The following NIPAL3 variants were observed in gnomAD, a reference collection of about 807,000 sequenced individuals.
NIPAL3 encodes the protein NIPA-like protein 3.
In NIPAL3, 41 loss-of-function variants were observed where a neutral mutation model predicts 47.2. That is an observed-to-expected ratio of 0.87 (90% CI 0.68 to 1.13). The LOEUF is 1.13. Ranked by LOEUF, NIPAL3 falls within the 50% of genes most tolerant of loss-of-function variation. The probability of loss-of-function intolerance (pLI) is 0.00; values close to 1 mark genes in which losing one functional copy is unlikely to be tolerated. For missense variants in NIPAL3, 449 were observed against 530.1 expected (o/e 0.85, Z 1.50); for synonymous variants, 194 against 209.6 (o/e 0.93, Z 0.64).
intron 4 of NIPAL3, among the ~76,000 whole-genome samples, chr1:24,443,508 G>T (rs889032975): frequency 5.2e-4 from 79 of 152,308 alleles, no homozygotes; most frequent in African/African-American, 1.9e-3. Context: ...GGCAGACATC[G>T]TTAATCAATC....
rs759025710 is a variant in NIPAL3 at position 24,469,113 on chromosome 1, G to A, written c.1149G>A (p.Met383Ile). Reference sequence around the variant, plus strand: ...ACGCTCCTGCCACCCTGCCAGTCATGCAAGAAGAGCACGGCTCCAGAAGTG... The same window carrying A: ...ACGCTCCTGCCACCCTGCCAGTCATACAAGAAGAGCACGGCTCCAGAAGTG... ...EIYAPATLPVMQEEHGSRSAS... is the reference protein window; with the variant it reads ...EIYAPATLPVIQEEHGSRSAS... The change falls in exon 12 of 12, where the codon ATG becomes ATA. Residue 383 changes from methionine (M) to isoleucine (I), a missense_variant. Physicochemically the swap from Met to Ile is conservative, Grantham distance 10 (BLOSUM62 1). Transcript: ENST00000374399. 1 of 1,614,126 alleles carries A rather than the reference G, an allele frequency of 6.2e-7. No homozygotes were observed.
intron 10 of NIPAL3, among the ~76,000 whole-genome samples, chr1:24,461,542 C>CAA (rs59058886): frequency 2.1e-3 from 203 of 98,786 alleles, no homozygotes; most frequent in African/African-American, 7.2e-3. Flanking sequence ...AATTCCGTCT[C>CAA]AAAAAAAAAA....
chr1:24,460,563 GC>G lies in NIPAL3; in HGVS notation c.926+21del. 6.5e-7 allele frequency: 1 copy of G among 1,544,462 alleles called. No homozygotes were observed. The highest frequency in any genetic ancestry group is 8.7e-7 in the Non-Finnish European group (1 of 1,153,712). Reference sequence around the variant, plus strand: ...CACTGGGGTGAGTTCTGTCCTGCTTGCCAGCCCCAAAACATTGTGTGTAGAA... The same window carrying G: ...CACTGGGGTGAGTTCTGTCCTGCTTGCAGCCCCAAAACATTGTGTGTAGAA... On this transcript the variant is annotated intron_variant, in intron 10 of 11. Transcript: ENST00000374399.
intron 4 of NIPAL3, among the ~76,000 whole-genome samples, chr1:24,444,414 C>A (rs1027134437): frequency 2.6e-5 from 4 of 152,102 alleles, no homozygotes; most frequent in African/African-American, 9.7e-5. Flanking sequence ...GTAGCGCTTG[C>A]CAGTTTATAT....
intron 9 of NIPAL3, 93 bp from the exon 10 acceptor site, chr1:24,460,388 A>C (rs756880759): frequency 4.5e-5 from 45 of 1,007,188 alleles, no homozygotes; most frequent in Non-Finnish European, 6.5e-5. Context: ...TTAGTTTCCT[A>C]AATGGAAGAG....
At position 24,460,441 on chromosome 1, in the gene NIPAL3, A is replaced by C. The variant is rs754056315; in HGVS notation, c.863-40A>C. The C allele has an allele frequency of 4.5e-6, 7 of 1,547,884 alleles. No homozygotes were observed. The South Asian group carries it at 8.4e-5, about 18-fold the overall frequency. On this transcript the variant is annotated intron_variant, in intron 9 of 11. Coordinates refer to ENST00000374399, the MANE Select transcript of NIPAL3 (RefSeq NM_020448.5). ...GACAGACTGGCAGATGGGTGATTTG[A>C]AAACAGCTCAGCGGTATTTTCTATG...
Position 24,437,447 on chromosome 1 carries a change from G to C in NIPAL3, c.94-2725G>C, listed in dbSNP as rs190877762. Among the ~76,000 whole-genome samples the C allele has an allele frequency of 8.5e-5, 13 of 152,302 alleles. No individual in the cohort carries two copies. The East Asian group carries it at 2.5e-3, about 29-fold the overall frequency. On this transcript the variant is annotated intron_variant, in intron 2 of 11. Transcript: ENST00000374399. ...AGGGGGAAGAAAAAACCTCGCTCAT[G>C]TTTATGAGAAGTTGGGCTAATAATA... is the stretch of plus-strand genomic sequence containing the variant.
chr1:24,454,637 T>C lies in NIPAL3; in HGVS notation c.637+1133T>C. The C allele has an allele frequency of 1.3e-6, 1 of 770,368 alleles. No individual in the cohort carries two copies. The highest frequency in any genetic ancestry group is 1.6e-6 in the Non-Finnish European group (1 of 633,950). 47.7% of individuals were successfully genotyped at this position (770,368 alleles called of 1,614,324 possible). ...CAGTGGTTTTTAGTATTTCATAGAG[T>C]TGTGAAACCATCATCCTAATCTAAT... is the stretch of plus-strand genomic sequence containing the variant. On this transcript the variant is annotated intron_variant, in intron 7 of 11. Coordinates refer to ENST00000374399, the MANE Select transcript of NIPAL3 (RefSeq NM_020448.5). This position sits in a 1 kb window ranked among gnomAD's most constrained non-coding sequence, Gnocchi z 4.1.
chr1:24,461,182 C>G (rs2148853669), intron 10 of NIPAL3, among the ~76,000 whole-genome samples: 1 of 152,276 alleles, frequency 6.6e-6, no homozygotes, highest in South Asian at 2.1e-4. Context: ...GCCATGCTGC[C>G]ATTTTGAAAA....
intron 5 of NIPAL3, among the ~76,000 whole-genome samples, chr1:24,446,513 G>A (rs1044780516): frequency 1.3e-5 from 2 of 151,164 alleles, no homozygotes; most frequent in East Asian, 2.0e-4. Flanking sequence ...CACTTAAAGT[G>A]AGGACATGCA....
intron 2 of NIPAL3, among the ~76,000 whole-genome samples, chr1:24,429,417 G>T (rs1644777695): frequency 6.6e-6 from 1 of 151,988 alleles, no homozygotes; most frequent in African/African-American, 2.4e-5. Flanking sequence ...TGAAGCCCTT[G>T]GTATAAAGAC....
chr1:24,470,195 T>A lies in NIPAL3; in HGVS notation c.*1010T>A, dbSNP rs944662838. On this transcript the variant is annotated 3_prime_UTR_variant, in exon 12 of 12. Coordinates refer to ENST00000374399, the MANE Select transcript of NIPAL3 (RefSeq NM_020448.5). Reference sequence around the variant, plus strand: ...CTCTGGGTCCTCATCCCCATGCATATATGTCTGGGAGAAGCAAGCATTCTC... The same window carrying A: ...CTCTGGGTCCTCATCCCCATGCATAAATGTCTGGGAGAAGCAAGCATTCTC... 2 of 152,190 alleles carry A rather than the reference T, an allele frequency of 1.3e-5. No homozygotes were observed. The highest frequency in any genetic ancestry group is 2.9e-5 in the Non-Finnish European group (2 of 68,060). 9.4% of individuals were successfully genotyped at this position (152,190 alleles called of 1,614,324 possible).
chr1:24,454,380 G>A lies in NIPAL3; in HGVS notation c.637+876G>A, dbSNP rs35497784. 1.6e-5 allele frequency: 17 copies of A among 1,043,708 alleles called. No individual in the cohort carries two copies. The Admixed American group carries it at 2.5e-4, about 16-fold the overall frequency. 64.7% of individuals were successfully genotyped at this position (1,043,708 alleles called of 1,614,324 possible). On this transcript the variant is annotated intron_variant, in intron 7 of 11. Coordinates refer to ENST00000374399, the MANE Select transcript of NIPAL3 (RefSeq NM_020448.5). The surrounding 1 kb of genome is among the most constrained non-coding windows in gnomAD (Gnocchi z 4.1). ...ACGCTGTCCACTTCTCTAAAGGGGGGGCCTATGAGAACATCCAAGTCACGG... is the reference window on the plus strand; with the variant it reads ...ACGCTGTCCACTTCTCTAAAGGGGGAGCCTATGAGAACATCCAAGTCACGG...
At chr1:24,444,682 G>A (rs1224901832) in intron 4 of NIPAL3, among the ~76,000 whole-genome samples, 2 of 152,124 alleles carry the variant, frequency 1.3e-5, no homozygotes, top group East Asian at 1.9e-4. Context: ...TCCCAAGGGC[G>A]TTTGAGTACA....
chr1:24,425,600 G>A (rs1644545486), intron 2 of NIPAL3, among the ~76,000 whole-genome samples: 1 of 151,992 alleles, frequency 6.6e-6, no homozygotes, highest in African/African-American at 2.4e-5. Context: ...CCAATCCCTG[G>A]CCCTATTACC....
Position 24,449,448 on chromosome 1 carries a change from C to G in NIPAL3, c.395-33C>G. The G allele has an allele frequency of 6.2e-7, 1 of 1,609,810 alleles. No individual in the cohort carries two copies. Among genetic ancestry groups the G allele is most frequent in the Non-Finnish European group, 8.5e-7 (1 of 1,178,062 alleles). On this transcript the variant is annotated intron_variant, in intron 5 of 11. Transcript: ENST00000374399. This position sits in a 1 kb window ranked among gnomAD's most constrained non-coding sequence, Gnocchi z 4.5. ...GTACTGTATCTTGGGCCTGTTGTTGCAATGAGTCCGTGACAGCCTCTCTTC... is the reference window on the plus strand; with the variant it reads ...GTACTGTATCTTGGGCCTGTTGTTGGAATGAGTCCGTGACAGCCTCTCTTC...
intron 1 of NIPAL3, among the ~76,000 whole-genome samples, chr1:24,417,968 A>G (rs57223575): frequency 0.012 from 1,846 of 152,334 alleles, 35 homozygotes; most frequent in African/African-American, 0.04. Context: ...CAAAATAAAT[A>G]ATTAAACAGG....
intron 10 of NIPAL3, 57 bp from the exon 11 acceptor site, chr1:24,463,969 C>A: frequency 6.9e-7 from 1 of 1,444,012 alleles, no homozygotes; most frequent in Admixed American, 1.9e-5. Context: ...TGAAAGTGTG[C>A]CTGCCCGACC....
At chr1:24,437,558 T>C (rs1406058355) in intron 2 of NIPAL3, among the ~76,000 whole-genome samples, 2 of 151,658 alleles carry the variant, frequency 1.3e-5, no homozygotes, top group African/African-American at 4.9e-5. Context: ...TTAAGCAAAA[T>C]TGGGCTGTTC....
Sources: allele counts gnomAD v4.1 joint callset (sites outside exome capture counted in the v4.1 genomes callset), GRCh38; gene constraint gnomAD v4.1.1; non-coding constraint Gnocchi (gnomAD v3.1); transcripts MANE v1.5; gene names NCBI Gene and HGNC (gene_info 2026-07-23, HGNC 2026-07-21).